The following SDK1 variants were observed in gnomAD, a reference collection of about 807,000 sequenced individuals.
SDK1 encodes protein sidekick-1.
Under a neutral mutation model 245.5 loss-of-function variants are expected in SDK1, and 157 were observed. That is an observed-to-expected ratio of 0.64 (90% CI 0.56 to 0.73). The LOEUF (loss-of-function observed/expected upper bound fraction) is 0.73. Among genes scored for constraint, SDK1 ranks in the 30% least tolerant of loss-of-function variants. SDK1 has a pLI of 0.00. For missense variants in SDK1, 3,583 were observed against 3,002.3 expected, an observed-to-expected ratio of 1.19 and a Z score of -4.52; for synonymous variants, 1,647 against 1,278.5, an observed-to-expected ratio of 1.29 and a Z score of -6.15.
rs556984555 is a variant in SDK1 at position 3,640,639 on chromosome 7, G to A, written c.566-1319G>A. On this transcript the variant is annotated intron_variant, in intron 3 of 44. Transcript: ENST00000404826. Reference sequence around the variant, plus strand: ...ACTCTGTTTTATAAAACTGAATTTTGCTTAATTATGTTTTTGTTTCTGTTC... The same window carrying A: ...ACTCTGTTTTATAAAACTGAATTTTACTTAATTATGTTTTTGTTTCTGTTC... 1.7e-4 allele frequency among the ~76,000 whole-genome samples: 26 copies of A among 152,150 alleles called. No individual in the cohort carries two copies. The East Asian group carries it at 4.8e-3, about 28-fold the overall frequency.
At chr7:3,492,921 T>C (rs1337417733) in intron 1 of SDK1, among the ~76,000 whole-genome samples, 1 of 152,160 alleles carries the variant, frequency 6.6e-6, no homozygotes, top group Non-Finnish European at 1.5e-5. Flanking sequence ...ATGCATGTAC[T>C]GTATTCAAAG....
intron 44 of SDK1, among the ~76,000 whole-genome samples, chr7:4,253,842 A>G (rs1180573215): frequency 2.0e-5 from 3 of 152,154 alleles, no homozygotes; most frequent in Non-Finnish European, 4.4e-5. Context: ...TGATATATTT[A>G]CCATTTTATC....
At chr7:3,351,013 A>G (rs562190868) in intron 1 of SDK1, among the ~76,000 whole-genome samples, 7 of 152,324 alleles carry the variant, frequency 4.6e-5, no homozygotes, top group East Asian at 1.9e-4. Context: ...CTACATACAT[A>G]AATAGATATC....
chr7:3,386,875 C>A (rs913030572), intron 1 of SDK1, among the ~76,000 whole-genome samples: 4 of 152,164 alleles, frequency 2.6e-5, no homozygotes, highest in Non-Finnish European at 4.4e-5. Context: ...ATAACTAACA[C>A]AAGGCTGTCA....
intron 1 of SDK1, among the ~76,000 whole-genome samples, chr7:3,377,300 T>C (rs1781378381): frequency 6.6e-6 from 1 of 152,258 alleles, no homozygotes; most frequent in South Asian, 2.1e-4. Context: ...CTCAGCTAAA[T>C]ATCCATGTTT....
intron 5 of SDK1, among the ~76,000 whole-genome samples, chr7:3,907,982 G>A (rs1452386392): frequency 3.9e-5 from 6 of 152,158 alleles, no homozygotes; most frequent in Middle Eastern, 3.4e-3. Flanking sequence ...GTTGGCTTGG[G>A]GCTTGGGGGT....
chr7:3,801,033 A>G (rs1338573531), intron 4 of SDK1, among the ~76,000 whole-genome samples: 1 of 152,158 alleles, frequency 6.6e-6, no homozygotes, highest in Non-Finnish European at 1.5e-5. Flanking sequence ...ACAAATTGAA[A>G]TTTTTGGCAA....
At chr7:3,533,209 G>A (rs1016735675) in intron 1 of SDK1, among the ~76,000 whole-genome samples, 2 of 152,198 alleles carry the variant, frequency 1.3e-5, no homozygotes, top group African/African-American at 4.8e-5. Flanking sequence ...GAAGATTAAT[G>A]TCACTCCTGA....
chr7:3,781,776 A>C (rs1057150177), intron 4 of SDK1, among the ~76,000 whole-genome samples: 7 of 152,228 alleles, frequency 4.6e-5, no homozygotes, highest in African/African-American at 1.7e-4. Context: ...GCTGAGTTGA[A>C]AAATTCAATA....
At chr7:3,571,066 A>C (rs899746426) in intron 1 of SDK1, among the ~76,000 whole-genome samples, 12 of 152,014 alleles carry the variant, frequency 7.9e-5, no homozygotes, top group Admixed American at 7.2e-4. Flanking sequence ...TCGGATCTTC[A>C]TGTTGAGATG....
chr7:3,632,561 C>A (rs1782328949), intron 2 of SDK1, among the ~76,000 whole-genome samples: 1 of 152,112 alleles, frequency 6.6e-6, no homozygotes, highest in African/African-American at 2.4e-5. Context: ...ATAGACCCTC[C>A]CACACAGGGA....
intron 11 of SDK1, 147 bp downstream of exon 11, chr7:3,969,571 C>G (rs529724225): frequency 1.1e-5 from 6 of 555,376 alleles, no homozygotes; most frequent in Non-Finnish European, 1.1e-5. Flanking sequence ...TTATAGAAAT[C>G]TGTTGAGAAA....
chr7:3,920,780 G>A (rs1779559419), intron 5 of SDK1, among the ~76,000 whole-genome samples: 1 of 152,066 alleles, frequency 6.6e-6, no homozygotes, highest in Non-Finnish European at 1.5e-5. Context: ...GTGAAGAGGA[G>A]GATAAATAAC....
intron 1 of SDK1, among the ~76,000 whole-genome samples, chr7:3,477,791 G>T (rs1353359016): frequency 1.3e-5 from 2 of 151,984 alleles, no homozygotes; most frequent in Non-Finnish European, 2.9e-5. Flanking sequence ...AGGGATTACA[G>T]GTGTGAGGTA....
At position 3,590,171 on chromosome 7, in the gene SDK1, C is replaced by T. The variant is rs532197395; in HGVS notation, c.299-28909C>T. Among the ~76,000 whole-genome samples the T allele has an allele frequency of 4.6e-5, 7 of 152,270 alleles. No individual in the cohort carries two copies. The South Asian group carries it at 1.2e-3, about 27-fold the overall frequency. On this transcript the variant is annotated intron_variant, in intron 1 of 44. Transcript: ENST00000404826. ...AGCAGGTAGCCTCAGGCTGTGCTCC[C>T]AAACCTTTGGGTTCAGTTTCTTTAT...
At chr7:3,434,410 A>T (rs371093769) in intron 1 of SDK1, among the ~76,000 whole-genome samples, 1 of 152,176 alleles carries the variant, frequency 6.6e-6, no homozygotes, top group Non-Finnish European at 1.5e-5. Context: ...GCCCTACGCC[A>T]CTGTGGTTTA....
intron 7 of SDK1, among the ~76,000 whole-genome samples, chr7:3,955,979 G>A (rs1039029898): frequency 6.6e-6 from 1 of 152,158 alleles, no homozygotes; most frequent in African/African-American, 2.4e-5. Context: ...TGTGGAAGGC[G>A]GAAAATCTGA....
chr7:4,109,789 T>G (rs1274817635), intron 22 of SDK1, among the ~76,000 whole-genome samples: 2 of 152,110 alleles, frequency 1.3e-5, no homozygotes, highest in Non-Finnish European at 2.9e-5. Flanking sequence ...GAAGCGGCAC[T>G]GGCACTCGGG....
intron 4 of SDK1, among the ~76,000 whole-genome samples, chr7:3,661,499 A>G (rs1783354462): frequency 2.0e-5 from 3 of 152,182 alleles, no homozygotes; most frequent in African/African-American, 7.2e-5. Flanking sequence ...AATTTAAATA[A>G]GTTGTAAATG....
Sources: allele counts gnomAD v4.1 joint callset (sites outside exome capture counted in the v4.1 genomes callset), GRCh38; gene constraint gnomAD v4.1.1; transcripts MANE v1.5; gene names NCBI Gene and HGNC (gene_info 2026-07-23, HGNC 2026-07-21).